Variants in BNIP3 observed in about 807,000 individuals in gnomAD.
The protein encoded by BNIP3 is BCL2 interacting protein 3.
In BNIP3, 16 loss-of-function variants were observed where a neutral mutation model predicts 23.9. The observed-to-expected ratio is 0.67, with a 90% CI of 0.45 to 1.01. The LOEUF (loss-of-function observed/expected upper bound fraction) is 1.01, where lower values mean the gene tolerates loss of function less well. BNIP3 is among the 50% of genes least tolerant of loss of function. The pLI is 0.00. For synonymous variants in BNIP3, 81 were observed against 89.3 expected (o/e 0.91, Z 0.53); for missense variants, 198 against 248.7 (o/e 0.80, Z 1.37).
intron 3 of BNIP3, among the ~76,000 whole-genome samples, chr10:131,972,034 A>G (rs1489655848): frequency 2.6e-5 from 2 of 75,724 alleles, no homozygotes; most frequent in Non-Finnish European, 5.1e-5. Flanking sequence ...ACACCCAAGA[A>G]AACACATCGC....
intron 5 of BNIP3, chr10:131,969,677 C>G (rs905274137): frequency 2.0e-5 from 3 of 152,544 alleles, no homozygotes; most frequent in Admixed American, 6.5e-5. Context: ...CAGTGGCATT[C>G]CGGTCTTTCC....
rs1273225766 is a variant in BNIP3, at chr10:131,981,866, C to G, written c.-60G>C. The G allele has an allele frequency of 1.7e-5, 24 of 1,388,682 alleles. No individual in the cohort carries two copies. Among genetic ancestry groups the G allele is most frequent in the Non-Finnish European group, 1.0e-5 (11 of 1,075,800 alleles). The allele number at this position is 1,388,682 out of a possible 1,614,324, so 86.0% of individuals were successfully genotyped here. A position where few individuals can be genotyped will look rare whatever the true frequency, so the allele number is the denominator to read the frequency against. On this transcript the variant is annotated 5_prime_UTR_variant, in exon 1 of 6. Coordinates refer to ENST00000368636, the MANE Select transcript of BNIP3 (RefSeq NM_004052.4). ...CGCCGGGCTGCGGGATGTGCTTCAG[C>G]TGCGGGCGGTGGGAAAGCGGAGGTC... is the stretch of plus-strand genomic sequence containing the variant.
chr10:131,973,165 T>G (rs763854762), intron 2 of BNIP3, 47 bp from the exon 3 acceptor site: 2 of 1,586,018 alleles, frequency 1.3e-6, no homozygotes, highest in African/African-American at 2.7e-5. Flanking sequence ...CATGTGAACA[T>G]TCTATCATTA....
rs181088876 is a variant in BNIP3 at position 131,968,322 on chromosome 10, C to G, written c.*202G>C. The G allele has an allele frequency of 2.1e-6, 1 of 474,612 alleles. No individual in the cohort carries two copies. Among genetic ancestry groups the G allele is most frequent in the East Asian group, 3.2e-5 (1 of 31,320 alleles). 29.4% of individuals were successfully genotyped at this position (474,612 alleles called of 1,614,324 possible). ...AGTAGACATTAATCAGTCTGACATG[C>G]TTATTGATCCCATAGGTGTAATTAT... On this transcript the variant is annotated 3_prime_UTR_variant, in exon 6 of 6. Coordinates refer to ENST00000368636, the MANE Select transcript of BNIP3 (RefSeq NM_004052.4).
chr10:131,968,602 C>T, intron 5 of BNIP3, 33 bp from the exon 6 acceptor site: 1 of 1,551,388 alleles, frequency 6.4e-7, no homozygotes, highest in Non-Finnish European at 8.9e-7. Flanking sequence ...GTTAATGTAT[C>T]TTGTGATTCA....
At chr10:131,972,818 G>A (rs765691459) in intron 3 of BNIP3, among the ~76,000 whole-genome samples, 60 of 152,128 alleles carry the variant, frequency 3.9e-4, no homozygotes, top group Non-Finnish European at 7.8e-4. Flanking sequence ...CCCACTCGGC[G>A]CCTCCCCCGC....
intron 1 of BNIP3, among the ~76,000 whole-genome samples, chr10:131,975,042 A>C (rs1377729738): frequency 6.6e-6 from 1 of 152,190 alleles, no homozygotes; most frequent in African/African-American, 2.4e-5. Flanking sequence ...GATGTACAGA[A>C]GTTCTTGATT....
At chr10:131,977,743 T>G (rs1244401036) in intron 1 of BNIP3, among the ~76,000 whole-genome samples, 1 of 152,112 alleles carries the variant, frequency 6.6e-6, no homozygotes, top group Admixed American at 6.5e-5. Flanking sequence ...GCAGTGCTTT[T>G]TAAACATCAC....
At chr10:131,979,842 C>T (rs1188331083) in intron 1 of BNIP3, among the ~76,000 whole-genome samples, 2 of 152,228 alleles carry the variant, frequency 1.3e-5, no homozygotes, top group African/African-American at 2.4e-5. Flanking sequence ...TGCTTCCATC[C>T]GTGGGTCTGG....
chr10:131,971,215 CAG>C (rs1020686549), intron 3 of BNIP3: 3 of 524,602 alleles, frequency 5.7e-6, no homozygotes, highest in Non-Finnish European at 1.0e-5. Context: ...GAGCCCCACT[CAG>C]GGCGTAAATA....
chr10:131,973,023 T>A lies in BNIP3; in HGVS notation c.282+11A>T. On this transcript the variant is annotated intron_variant, in intron 3 of 5. Transcript: ENST00000368636. ...ATACTTTTACAACTGCACATTCTCC[T>A]TCCAGCTTACCTGTGAGCTGTTTTT... is the stretch of plus-strand genomic sequence containing the variant. 1 of 1,608,132 alleles carries A rather than the reference T, an allele frequency of 6.2e-7. No individual in the cohort carries two copies. The highest frequency in any genetic ancestry group is 1.3e-5 in the African/African-American group (1 of 74,920).
chr10:131,978,883 C>T (rs1177984168), intron 1 of BNIP3, among the ~76,000 whole-genome samples: 1 of 149,256 alleles, frequency 6.7e-6, no homozygotes, highest in Admixed American at 6.7e-5. Context: ...GGGAGGTGGG[C>T]TCTAAGAAAT....
chr10:131,980,362 G>A (rs990852373), intron 1 of BNIP3: 3 of 152,136 alleles, frequency 2.0e-5, no homozygotes, highest in Non-Finnish European at 2.9e-5. Context: ...ACAAAAGATA[G>A]GAAAACACCT....
chr10:131,973,011 T>G, intron 3 of BNIP3, 23 bp downstream of exon 3: 1 of 1,597,780 alleles, frequency 6.3e-7, no homozygotes, highest in Non-Finnish European at 8.6e-7. Flanking sequence ...CTTTTACAAC[T>G]GCACATTCTC....
In BNIP3 at chr10:131,970,443, G is replaced by A. The variant is rs768634306; in HGVS notation, c.539+195C>T. On this transcript the variant is annotated intron_variant, in intron 5 of 5. Coordinates refer to ENST00000368636, the MANE Select transcript of BNIP3 (RefSeq NM_004052.4). This position sits in a 1 kb window ranked among gnomAD's most constrained non-coding sequence, Gnocchi z 4.1. The stretch of plus-strand genomic sequence containing the variant: ...AGGCCAGACAGCAGCACCACAGGGC[G>A]CCTGTGCTGGGGCCTTTGGGGGCTG... The A allele has an allele frequency of 2.6e-5, 19 of 725,484 alleles. No individual in the cohort carries two copies. Among genetic ancestry groups the A allele is most frequent in the South Asian group, 3.8e-5 (2 of 52,514 alleles). 44.9% of individuals were successfully genotyped at this position (725,484 alleles called of 1,614,324 possible).
At chr10:131,977,423 A>C (rs1206082934) in intron 1 of BNIP3, among the ~76,000 whole-genome samples, 1 of 152,318 alleles carries the variant, frequency 6.6e-6, no homozygotes, top group East Asian at 1.9e-4. Flanking sequence ...AGGAGAGACA[A>C]GTGTATCTCT....
At chr10:131,973,202 C>T in intron 2 of BNIP3, 84 bp from the exon 3 acceptor site, 4 of 1,410,124 alleles carry the variant, frequency 2.8e-6, no homozygotes, top group Non-Finnish European at 4.0e-6. Context: ...AGGCAGTGAA[C>T]CGCCTCCGTG....
chr10:131,972,130 G>A (rs977717978), intron 3 of BNIP3, among the ~76,000 whole-genome samples: 6 of 152,176 alleles, frequency 3.9e-5, no homozygotes, highest in South Asian at 2.1e-4. Context: ...TATCTGTGCC[G>A]GAGTAGGAAG....
chr10:131,971,228 C>A, intron 3 of BNIP3: 1 of 491,578 alleles, frequency 2.0e-6, no homozygotes, highest in Non-Finnish European at 3.7e-6. Context: ...GGCGTAAATA[C>A]ATTTGGTTCA....
Sources: allele counts gnomAD v4.1 joint callset (sites outside exome capture counted in the v4.1 genomes callset), GRCh38; gene constraint gnomAD v4.1.1; non-coding constraint Gnocchi (gnomAD v3.1); transcripts MANE v1.5; gene names NCBI Gene and HGNC (gene_info 2026-07-23, HGNC 2026-07-21).